The following PAPSS2 variants were observed in gnomAD, a reference collection of about 807,000 sequenced individuals.
The protein encoded by PAPSS2 is 3'-phosphoadenosine 5'-phosphosulfate synthase 2.
In PAPSS2, 61 loss-of-function variants were observed where a neutral mutation model predicts 66.5. The ratio of observed to expected loss-of-function variants is 0.92; its 90% CI spans 0.75 to 1.14. The LOEUF (loss-of-function observed/expected upper bound fraction) is 1.14, where lower values mean the gene tolerates loss of function less well. Among genes scored for constraint, PAPSS2 ranks in the 50% most tolerant of loss-of-function variants. The pLI is 0.00. For missense variants in PAPSS2, 708 were observed against 789.6 expected (o/e 0.90, Z 1.24); for synonymous variants, 289 against 287.5 (o/e 1.01, Z -0.05).
chr10:87,745,314 T>A, intron 12 of PAPSS2, 83 bp downstream of exon 12: 4 of 1,061,550 alleles, frequency 3.8e-6, no homozygotes, highest in South Asian at 1.4e-5. Flanking sequence ...TGAAAAACTC[T>A]CCAGTGCATT....
intron 1 of PAPSS2, among the ~76,000 whole-genome samples, chr10:87,692,504 A>T (rs865906442): frequency 1.1e-4 from 17 of 152,208 alleles, no homozygotes; most frequent in Admixed American, 2.0e-4. Flanking sequence ...GAAGACAGAA[A>T]AGCTCTGAGA....
chr10:87,701,977 A>G (rs1853324902), intron 1 of PAPSS2, among the ~76,000 whole-genome samples: 1 of 152,248 alleles, frequency 6.6e-6, no homozygotes, highest in South Asian at 2.1e-4. Flanking sequence ...ATGAACTGGC[A>G]GTATACAATG....
At position 87,668,658 on chromosome 10, in the gene PAPSS2, ATGTGTGTGTGTGTGTG is replaced by A. The variant is rs58768390; in HGVS notation, c.27+8668_27+8683del. 7.8e-3 allele frequency among the ~76,000 whole-genome samples: 1,170 copies of A among 149,258 alleles called. 8 individuals are homozygous for A. Among genetic ancestry groups the A allele is most frequent in the Middle Eastern group, 0.027 (8 of 292 alleles). On this transcript the variant is annotated intron_variant, in intron 1 of 12. Transcript: ENST00000456849. Reference sequence around the variant, plus strand: ...TATTAAGGCTGTCTCTACTTTAAAAATGTGTGTGTGTGTGTGTGTGTGTGTGTGTGTGTTTAAAAAT... The same window carrying A: ...TATTAAGGCTGTCTCTACTTTAAAAATGTGTGTGTGTGTGTGTTTAAAAAT...
intron 1 of PAPSS2, among the ~76,000 whole-genome samples, chr10:87,701,402 CTT>C (rs1204307108): frequency 0.022 from 1,782 of 81,664 alleles, 19 homozygotes; most frequent in East Asian, 0.029. Context: ...CTTTCTCTTT[CTT>C]TCTCTCTCTC....
chr10:87,690,993 C>T (rs1050299609), intron 1 of PAPSS2, among the ~76,000 whole-genome samples: 2 of 152,126 alleles, frequency 1.3e-5, no homozygotes, highest in African/African-American at 4.8e-5. Flanking sequence ...AACATACATC[C>T]AACTGAGGGA....
At chr10:87,686,153 T>C (rs550294086) in intron 1 of PAPSS2, among the ~76,000 whole-genome samples, 1 of 151,790 alleles carries the variant, frequency 6.6e-6, no homozygotes, top group East Asian at 1.9e-4. Context: ...TTTTTTTTTT[T>C]TTCAGTAACA....
chr10:87,741,192 A>C (rs759605264), intron 9 of PAPSS2, 43 bp from the exon 10 acceptor site: 1 of 1,603,348 alleles, frequency 6.2e-7, no homozygotes, highest in Non-Finnish European at 8.5e-7. Context: ...ATAAAATAGA[A>C]ATCACAATTA....
At chr10:87,724,276 A>G (rs978390216) in intron 8 of PAPSS2, among the ~76,000 whole-genome samples, 4 of 151,928 alleles carry the variant, frequency 2.6e-5, no homozygotes, top group Admixed American at 6.6e-5. Flanking sequence ...AAAAAAAAGT[A>G]TTCACTCAAA....
rs756592189 is a variant in PAPSS2, at chr10:87,687,353, A to G, written c.28-21843A>G. Among the ~76,000 whole-genome samples, 54 of 152,338 alleles carry G rather than the reference A, an allele frequency of 3.5e-4. 1 individual carries two copies. The highest frequency in any genetic ancestry group is 1.3e-3 in the Admixed American group (20 of 15,304). On this transcript the variant is annotated intron_variant, in intron 1 of 12. Coordinates refer to ENST00000456849, the MANE Select transcript of PAPSS2 (RefSeq NM_001015880.2). ...TACAGGCTCCTATATTAAAAAAGTTATTGTGGCTAATACTATCTTATTTTG... is the reference window on the plus strand; with the variant it reads ...TACAGGCTCCTATATTAAAAAAGTTGTTGTGGCTAATACTATCTTATTTTG...
chr10:87,704,830 CAG>C (rs1430415195), intron 1 of PAPSS2, among the ~76,000 whole-genome samples: 5 of 152,064 alleles, frequency 3.3e-5, no homozygotes, highest in African/African-American at 1.2e-4. Context: ...TTAGTAGAGA[CAG>C]GGTTTTACCG....
intron 1 of PAPSS2, among the ~76,000 whole-genome samples, chr10:87,677,945 T>G (rs1589420969): frequency 6.6e-6 from 1 of 152,138 alleles, no homozygotes; most frequent in Admixed American, 6.5e-5. Flanking sequence ...AGATAAGCAT[T>G]TTAAGAATTT....
Position 87,709,200 on chromosome 10 carries a change from A to G in PAPSS2, c.32A>G (p.Asn11Ser), listed in dbSNP as rs1402245735. Residue 11 changes from asparagine (N) to serine (S), a missense_variant, in exon 2 of 13, where the codon AAC becomes AGC. Asn to Ser is a conservative substitution (Grantham distance 46, BLOSUM62 1). Coordinates refer to ENST00000456849, the MANE Select transcript of PAPSS2 (RefSeq NM_001015880.2). ...TGGTTTTGTCTTATTTTATAGGAGA[A>G]CCAGCAGAAATCCACCAATGTAGTC... MSGIKKQKTE[N>S]QQKSTNVVYQ... 3 of 1,606,428 alleles carry G rather than the reference A, an allele frequency of 1.9e-6. No individual in the cohort carries two copies. In the East Asian group the frequency reaches 6.7e-5, roughly 36 times the overall value.
At chr10:87,703,626 T>A (rs1589430819) in intron 1 of PAPSS2, 1 of 455,886 alleles carries the variant, frequency 2.2e-6, no homozygotes, top group Non-Finnish European at 4.3e-6. Flanking sequence ...TCAGAGATGT[T>A]AATAACTTGC....
chr10:87,697,268 G>C (rs1171161922), intron 1 of PAPSS2, among the ~76,000 whole-genome samples: 1 of 152,188 alleles, frequency 6.6e-6, no homozygotes, highest in Non-Finnish European at 1.5e-5. Flanking sequence ...CAGGCTCAGG[G>C]CTCCAGTCAC....
chr10:87,739,274 C>T (rs1054589025), intron 9 of PAPSS2, among the ~76,000 whole-genome samples: 1 of 152,088 alleles, frequency 6.6e-6, no homozygotes, highest in African/African-American at 2.4e-5. Context: ...TGTCCTTTCC[C>T]CCATTGAGTG....
At chr10:87,672,822 G>T (rs1852895544) in intron 1 of PAPSS2, among the ~76,000 whole-genome samples, 1 of 152,184 alleles carries the variant, frequency 6.6e-6, no homozygotes, top group African/African-American at 2.4e-5. Context: ...GCTAGGAATG[G>T]TTTTTACATT....
At chr10:87,689,111 C>T (rs1002843855) in intron 1 of PAPSS2, among the ~76,000 whole-genome samples, 1 of 151,950 alleles carries the variant, frequency 6.6e-6, no homozygotes, top group African/African-American at 2.4e-5. Flanking sequence ...GAGTCCAAGG[C>T]GGGTGGATTA....
chr10:87,697,043 A>G (rs755776910), intron 1 of PAPSS2, among the ~76,000 whole-genome samples: 21 of 152,176 alleles, frequency 1.4e-4, no homozygotes, highest in Non-Finnish European at 2.2e-4. Flanking sequence ...TTTCTGTTCA[A>G]GGATCCTATC....
chr10:87,719,219 A>AT (rs1853567595), intron 7 of PAPSS2, among the ~76,000 whole-genome samples: 1 of 152,226 alleles, frequency 6.6e-6, no homozygotes, highest in Non-Finnish European at 1.5e-5. Flanking sequence ...TAGAGGCAGA[A>AT]TATCACAGTG....
Sources: gnomAD v4.1 joint callset for allele counts (sites outside exome capture counted in the v4.1 genomes callset) on GRCh38, gnomAD v4.1.1 for gene constraint, MANE v1.5 for transcripts, NCBI Gene and HGNC (gene_info 2026-07-23, HGNC 2026-07-21) for gene names.